The following LTBP1 variants were observed in gnomAD, a reference collection of about 807,000 sequenced individuals.
LTBP1 encodes the protein latent-transforming growth factor beta-binding protein 1.
A neutral mutation model predicts 207.6 loss-of-function variants in LTBP1; 129 were observed. That is an observed-to-expected ratio of 0.62 (90% CI 0.54 to 0.72). LTBP1 has a LOEUF of 0.72. LTBP1 is among the 30% of genes least tolerant of loss of function. The probability of loss-of-function intolerance (pLI) is 0.00; values close to 1 mark genes in which losing one functional copy is unlikely to be tolerated. For missense variants in LTBP1, 2,281 were observed against 2,217.2 expected, an observed-to-expected ratio of 1.03 and a Z score of -0.58; for synonymous variants, 963 against 833.7, an observed-to-expected ratio of 1.16 and a Z score of -2.67.
chr2:33,195,533 A>G (rs1419639819), intron 7 of LTBP1, among the ~76,000 whole-genome samples: 1 of 152,228 alleles, frequency 6.6e-6, no homozygotes, highest in Admixed American at 6.5e-5. Context: ...TCCTGAAGAT[A>G]TGACCAAACT....
At chr2:32,953,314 G>A (rs909774430) in intron 2 of LTBP1, among the ~76,000 whole-genome samples, 5 of 152,176 alleles carry the variant, frequency 3.3e-5, no homozygotes, top group Admixed American at 2.0e-4. Context: ...GCTTGGCATC[G>A]TGCTTGCCAA....
intron 3 of LTBP1, among the ~76,000 whole-genome samples, chr2:33,026,176 G>C (rs549992909): frequency 6.6e-6 from 1 of 152,162 alleles, no homozygotes; most frequent in African/African-American, 2.4e-5. Flanking sequence ...AGGATCCAAG[G>C]AATTGGTCAG....
At chr2:33,152,696 A>G (rs1479400778) in intron 5 of LTBP1, among the ~76,000 whole-genome samples, 1 of 152,196 alleles carries the variant, frequency 6.6e-6, no homozygotes, top group Non-Finnish European at 1.5e-5. Flanking sequence ...CTAATGATTG[A>G]TGATGCTGGC....
At chr2:33,225,550 T>C (rs1201484729) in intron 9 of LTBP1, among the ~76,000 whole-genome samples, 2 of 152,154 alleles carry the variant, frequency 1.3e-5, no homozygotes, top group African/African-American at 4.8e-5. Flanking sequence ...CCATCAGATC[T>C]TGTGAAACTT....
intron 9 of LTBP1, among the ~76,000 whole-genome samples, chr2:33,240,897 A>G (rs1015195212): frequency 2.6e-5 from 4 of 151,714 alleles, no homozygotes; most frequent in East Asian, 1.9e-4. Flanking sequence ...TGATCTGCCC[A>G]CCTCGGCCTC....
chr2:33,074,717 A>G (rs1037855405), intron 3 of LTBP1, among the ~76,000 whole-genome samples: 2 of 152,288 alleles, frequency 1.3e-5, no homozygotes, highest in Admixed American at 1.3e-4. Context: ...AAAAATACAA[A>G]AAATTAGCCA....
chr2:33,180,467 T>A (rs1251094084), intron 5 of LTBP1, among the ~76,000 whole-genome samples: 1 of 151,716 alleles, frequency 6.6e-6, no homozygotes, highest in African/African-American at 2.4e-5. Flanking sequence ...TTTTTTTTTT[T>A]TTTTGACAGG....
intron 3 of LTBP1, among the ~76,000 whole-genome samples, chr2:33,030,479 C>A (rs542779891): frequency 1.3e-5 from 2 of 152,280 alleles, no homozygotes; most frequent in South Asian, 2.1e-4. Context: ...TCAGAAAAAA[C>A]CATTTCCGTG....
intron 2 of LTBP1, among the ~76,000 whole-genome samples, chr2:33,000,357 A>G (rs1685917361): frequency 7.4e-6 from 1 of 135,292 alleles, no homozygotes; most frequent in Non-Finnish European, 1.6e-5. Flanking sequence ...TCCAGGATTC[A>G]TTCCTTGTCT....
intron 7 of LTBP1, among the ~76,000 whole-genome samples, chr2:33,212,758 C>T (rs979996726): frequency 1.3e-4 from 20 of 152,170 alleles, no homozygotes; most frequent in Admixed American, 8.5e-4. Context: ...ATCTGAAATC[C>T]AAAATGCTCC....
chr2:33,134,257 A>G lies in LTBP1; in HGVS notation c.1034-536A>G. 5.5e-6 allele frequency: 2 copies of G among 365,516 alleles called. No individual in the cohort carries two copies. Among genetic ancestry groups the G allele is most frequent in the South Asian group, 4.1e-5 (2 of 49,064 alleles). The allele number at this position is 365,516 out of a possible 1,614,324, so 22.6% of individuals were successfully genotyped here. A position where few individuals can be genotyped will look rare whatever the true frequency, so the allele number is the denominator to read the frequency against. The stretch of plus-strand genomic sequence containing the variant: ...TTTGATCACTTCAGCCGAGAGTGCC[A>G]GGAGATTTGAGACAGATGTTTTCAG... On this transcript the variant is annotated intron_variant, in intron 4 of 33. Coordinates refer to ENST00000404816, the MANE Select transcript of LTBP1 (RefSeq NM_206943.4). This position sits in a 1 kb window ranked among gnomAD's most constrained non-coding sequence, Gnocchi z 4.4.
At chr2:33,103,725 A>G (rs952654316) in intron 3 of LTBP1, among the ~76,000 whole-genome samples, 2 of 151,650 alleles carry the variant, frequency 1.3e-5, no homozygotes, top group African/African-American at 4.9e-5. Context: ...GGGGGAAGAG[A>G]TTTTCTGCAT....
At chr2:33,326,176 A>C (rs1365777587) in intron 24 of LTBP1, among the ~76,000 whole-genome samples, 1 of 152,142 alleles carries the variant, frequency 6.6e-6, no homozygotes, top group Admixed American at 6.5e-5. Flanking sequence ...CTCAGTTTTG[A>C]ATTTTCATGT....
Position 33,149,248 on chromosome 2 carries a change from A to C in LTBP1, c.1201+14288A>C, listed in dbSNP as rs2083320570. ...AAAAACAAAAAAAAAAAAAAAAAAA[A>C]AAAAAAAGAGAGGGAGCTCCCATGG... On this transcript the variant is annotated intron_variant, in intron 5 of 33. Transcript: ENST00000404816. Among the ~76,000 whole-genome samples the C allele has an allele frequency of 1.3e-5, 2 of 149,674 alleles. 1 individual carries two copies. Among genetic ancestry groups the C allele is most frequent in the African/African-American group, 4.9e-5 (2 of 41,106 alleles).
rs1165779041 is a variant in LTBP1 at position 33,222,156 on chromosome 2, G to T, written c.1876+5G>T. On this transcript the variant is annotated splice_donor_5th_base_variant and intron_variant, in intron 9 of 33. Coordinates refer to ENST00000404816, the MANE Select transcript of LTBP1 (RefSeq NM_206943.4). ...TTAACAACACCTTTTGCCAAGGTAA[G>T]ACTAACTGAATTCATTGATGTGGAC... The T allele has an allele frequency of 3.8e-6, 6 of 1,599,996 alleles. No individual in the cohort carries two copies. The highest frequency in any genetic ancestry group is 5.1e-6 in the Non-Finnish European group (6 of 1,166,952).
chr2:33,091,717 G>A (rs1268357002), intron 3 of LTBP1, among the ~76,000 whole-genome samples: 4 of 152,114 alleles, frequency 2.6e-5, no homozygotes, highest in Non-Finnish European at 4.4e-5. Context: ...CTGACTAATC[G>A]CCCGAAGGAA....
At chr2:33,376,609 G>T (rs2095142899) in intron 31 of LTBP1, among the ~76,000 whole-genome samples, 1 of 152,188 alleles carries the variant, frequency 6.6e-6, no homozygotes, top group Non-Finnish European at 1.5e-5. Flanking sequence ...TCTCATGTGT[G>T]TTTTTTTATA....
At chr2:33,323,604 G>C (rs941845404) in intron 24 of LTBP1, among the ~76,000 whole-genome samples, 2 of 149,260 alleles carry the variant, frequency 1.3e-5, no homozygotes. Flanking sequence ...ATTTCAGCCT[G>C]GGTGACAGAG....
chr2:33,309,629 T>C, intron 23 of LTBP1, 73 bp downstream of exon 23: 1 of 1,529,264 alleles, frequency 6.5e-7, no homozygotes, highest in Non-Finnish European at 8.8e-7. Flanking sequence ...CAGATGATAG[T>C]CTGTGGTTTT....
Sources: gnomAD v4.1 joint callset for allele counts (sites outside exome capture counted in the v4.1 genomes callset) on GRCh38, gnomAD v4.1.1 for gene constraint, Gnocchi (gnomAD v3.1) non-coding constraint, MANE v1.5 for transcripts, NCBI Gene and HGNC (gene_info 2026-07-23, HGNC 2026-07-21) for gene names.